Variants in CRHR1 observed in about 807,000 individuals in gnomAD.
CRHR1 encodes corticotropin-releasing hormone receptor 1.
In CRHR1, 28 loss-of-function variants were observed where a neutral mutation model predicts 56.0. That is an observed-to-expected ratio of 0.50 (90% CI 0.37 to 0.69). The LOEUF is 0.69. CRHR1 is among the 30% of genes least tolerant of loss of function. The pLI is 0.00. For synonymous variants in CRHR1, 195 were observed against 216.5 expected, an observed-to-expected ratio of 0.90 and a Z score of 0.87; for missense variants, 376 against 548.0, an observed-to-expected ratio of 0.69 and a Z score of 3.13.
intron 12 of CRHR1, 88 bp from the exon 13 acceptor site, chr17:45,834,536 T>C (rs2062393796): frequency 1.3e-6 from 2 of 1,487,562 alleles, no homozygotes. Flanking sequence ...CACAGCCGCT[T>C]ACCTGCACAG....
chr17:45,834,159 C>A, intron 12 of CRHR1, 111 bp downstream of exon 12: 1 of 1,340,802 alleles, frequency 7.5e-7, no homozygotes, highest in Non-Finnish European at 1.1e-6. Context: ...TCCCTCCCTG[C>A]TCCTAGGTCC....
chr17:45,789,977 A>G (rs1040099778), intron 1 of CRHR1, among the ~76,000 whole-genome samples: 1 of 152,250 alleles, frequency 6.6e-6, no homozygotes, highest in African/African-American at 2.4e-5. Context: ...TATTAGCTAT[A>G]GTAGTCACTT....
chr17:45,786,664 G>A (rs2061342287), intron 1 of CRHR1, among the ~76,000 whole-genome samples: 1 of 128,814 alleles, frequency 7.8e-6, no homozygotes, highest in South Asian at 2.7e-4. Context: ...TTTCAAGACA[G>A]GGTCCCACTC....
intron 2 of CRHR1, among the ~76,000 whole-genome samples, chr17:45,810,475 A>G (rs1244087185): frequency 6.6e-6 from 1 of 152,216 alleles, no homozygotes; most frequent in East Asian, 1.9e-4. Flanking sequence ...CTAAGCAGTT[A>G]CTAAGCAGTG....
At chr17:45,790,233 C>T (rs1235149253) in intron 1 of CRHR1, among the ~76,000 whole-genome samples, 1 of 152,180 alleles carries the variant, frequency 6.6e-6, no homozygotes, top group South Asian at 2.1e-4. Flanking sequence ...GAGGATAATA[C>T]GAAATGATTC....
chr17:45,830,326 A>G (rs989609164), intron 6 of CRHR1, 91 bp from the exon 7 acceptor site: 2 of 1,587,754 alleles, frequency 1.3e-6, no homozygotes, highest in Non-Finnish European at 8.6e-7. Context: ...ATCCCAGGGT[A>G]TGCCCTGTCC....
At position 45,784,980 on chromosome 17, in the gene CRHR1, C is replaced by T. The variant is rs1198899579; in HGVS notation, c.33+403C>T. 1.3e-5 allele frequency among the ~76,000 whole-genome samples: 2 copies of T among 152,180 alleles called. No individual in the cohort carries two copies. Among genetic ancestry groups the T allele is most frequent in the Non-Finnish European group, 2.9e-5 (2 of 68,024 alleles). ...CGGGGTTCCCACCTCGCCCCAGCGC[C>T]CCCAAACAGCTCCCCGACTCCGCAC... On this transcript the variant is annotated intron_variant, in intron 1 of 12. Coordinates refer to ENST00000314537, the MANE Select transcript of CRHR1 (RefSeq NM_004382.5). The surrounding 1 kb of genome is among the most constrained non-coding windows in gnomAD (Gnocchi z 4.2).
At chr17:45,814,126 T>C (rs1401134343) in intron 2 of CRHR1, among the ~76,000 whole-genome samples, 1 of 152,224 alleles carries the variant, frequency 6.6e-6, no homozygotes, top group African/African-American at 2.4e-5. Context: ...GGGGCCACAC[T>C]GATGGAGAGG....
At chr17:45,789,349 C>A (rs958835291) in intron 1 of CRHR1, among the ~76,000 whole-genome samples, 1 of 152,044 alleles carries the variant, frequency 6.6e-6, no homozygotes, top group African/African-American at 2.4e-5. Flanking sequence ...TCAGGGAGGT[C>A]CCTGTCAGCA....
At chr17:45,810,229 G>A (rs1053011529) in intron 2 of CRHR1, among the ~76,000 whole-genome samples, 5 of 152,122 alleles carry the variant, frequency 3.3e-5, no homozygotes, top group African/African-American at 1.2e-4. Context: ...AGGTTGCAGT[G>A]AGCCCAGATC....
chr17:45,785,043 C>T (rs747904921), intron 1 of CRHR1, among the ~76,000 whole-genome samples: 10 of 152,234 alleles, frequency 6.6e-5, no homozygotes, highest in Non-Finnish European at 1.2e-4. Context: ...CCTGCCCCTT[C>T]CCCTCCGCGG....
At chr17:45,815,805 C>A (rs2061915619) in intron 2 of CRHR1, among the ~76,000 whole-genome samples, 1 of 152,196 alleles carries the variant, frequency 6.6e-6, no homozygotes, top group African/African-American at 2.4e-5. Flanking sequence ...CCTTTCCACT[C>A]CCCCAGATGG....
rs551175488 is a variant in CRHR1 at position 45,804,846 on chromosome 17, A to G, written c.34-2164A>G. ...TTTTTTTTTTTTGAGATAGAGTATT[A>G]CTCTATCGCCCAGGCTGGAGTGCAG... is the stretch of plus-strand genomic sequence containing the variant. On this transcript the variant is annotated intron_variant, in intron 1 of 12. Coordinates refer to ENST00000314537, the MANE Select transcript of CRHR1 (RefSeq NM_004382.5). Among the ~76,000 whole-genome samples the G allele has an allele frequency of 9.3e-5, 14 of 150,242 alleles. No homozygotes were observed. The South Asian group carries it at 2.7e-3, about 29-fold the overall frequency.
intron 1 of CRHR1, among the ~76,000 whole-genome samples, chr17:45,788,361 A>C (rs530369238): frequency 1.6e-4 from 25 of 152,268 alleles, no homozygotes; most frequent in African/African-American, 5.1e-4. Context: ...ATTCTCTGTT[A>C]TCTCTCATGT....
chr17:45,823,870 C>T (rs150712807), intron 4 of CRHR1, among the ~76,000 whole-genome samples: 1 of 152,160 alleles, frequency 6.6e-6, no homozygotes, highest in African/African-American at 2.4e-5. Context: ...AAAAGACTCA[C>T]GAGTTCTTCC....
At chr17:45,800,969 G>T (rs927557436) in intron 1 of CRHR1, among the ~76,000 whole-genome samples, 17 of 152,198 alleles carry the variant, frequency 1.1e-4, no homozygotes, top group African/African-American at 4.1e-4. Flanking sequence ...GCACTTTTGT[G>T]CCTTAAAGAC....
At chr17:45,832,553 G>A (rs1194697145) in intron 8 of CRHR1, among the ~76,000 whole-genome samples, 2 of 152,170 alleles carry the variant, frequency 1.3e-5, no homozygotes, top group Non-Finnish European at 2.9e-5. Context: ...AGGACATAAG[G>A]GCTTCCAGTT....
intron 4 of CRHR1, among the ~76,000 whole-genome samples, chr17:45,823,331 C>T (rs79501144): frequency 0.14 from 21,576 of 150,794 alleles, 2,119 homozygotes; most frequent in Middle Eastern, 0.22. Context: ...CCCGTTCACA[C>T]TACAGATGGG....
intron 4 of CRHR1, chr17:45,827,114 A>G (rs2062180884): frequency 6.6e-6 from 1 of 152,308 alleles, no homozygotes; most frequent in East Asian, 1.9e-4. Flanking sequence ...AAGAACTGGG[A>G]TGAGAGGAGC....
Sources: allele counts gnomAD v4.1 joint callset (sites outside exome capture counted in the v4.1 genomes callset), GRCh38; gene constraint gnomAD v4.1.1; non-coding constraint Gnocchi (gnomAD v3.1); transcripts MANE v1.5; gene names NCBI Gene and HGNC (gene_info 2026-07-23, HGNC 2026-07-21).